Variants in LRP2BP observed in about 807,000 individuals in gnomAD.
The protein encoded by LRP2BP is LRP2 binding protein.
LRP2BP carries 38 observed loss-of-function variants against 45.2 expected under a neutral mutation model. That is an observed-to-expected ratio of 0.84 (90% confidence interval 0.65 to 1.10). The LOEUF (loss-of-function observed/expected upper bound fraction) is 1.10, where lower values mean the gene tolerates loss of function less well. Ranked by LOEUF, LRP2BP falls within the 50% of genes least tolerant of loss-of-function variation. The pLI, the probability that LRP2BP is intolerant of heterozygous loss-of-function variation, is 0.00. For synonymous variants in LRP2BP, 153 were observed against 153.9 expected (o/e 0.99, Z 0.04); for missense variants, 385 against 418.9 (o/e 0.92, Z 0.71).
intron 1 of LRP2BP, among the ~76,000 whole-genome samples, chr4:185,384,566 G>A (rs1352604089): frequency 6.6e-6 from 1 of 151,014 alleles, no homozygotes; most frequent in Non-Finnish European, 1.5e-5. Flanking sequence ...ATGAAATAAT[G>A]AATAGCTGTA....
chr4:185,371,404 T>A (rs184089869), intron 7 of LRP2BP, among the ~76,000 whole-genome samples: 1 of 152,092 alleles, frequency 6.6e-6, no homozygotes, highest in Non-Finnish European at 1.5e-5. Context: ...TAGCTGGGCA[T>A]GGTAGCGGGT....
In LRP2BP at chr4:185,364,141, A is replaced by G. The variant is rs1561062333; in HGVS notation, c.*3039T>C. The stretch of plus-strand genomic sequence containing the variant: ...GAAACAAAATAAATCTGTAAAATAT[A>G]TGATTTTTAGTGAGCAGAAAGAGCC... On this transcript the variant is annotated 3_prime_UTR_variant, in exon 9 of 9. Transcript: ENST00000505916. The G allele has an allele frequency of 6.6e-6, 1 of 152,280 alleles. No homozygotes were observed. The highest frequency in any genetic ancestry group is 2.4e-5 in the African/African-American group (1 of 41,454). 9.4% of individuals were successfully genotyped at this position (152,280 alleles called of 1,614,324 possible).
At chr4:185,377,144 A>G (rs775848760) in intron 2 of LRP2BP, 126 bp from the exon 3 acceptor site, 1 of 712,792 alleles carries the variant, frequency 1.4e-6, no homozygotes, top group East Asian at 2.7e-5. Context: ...CATTCCTACA[A>G]CTGGCCTCCT....
Position 185,378,280 on chromosome 4 carries a change from C to T in LRP2BP, c.-21-73G>A. 10 of 1,546,304 alleles carry T rather than the reference C, an allele frequency of 6.5e-6. No homozygotes were observed. In the Admixed American group the frequency reaches 2.1e-4, roughly 33 times the overall value. Reference sequence around the variant, plus strand: ...GAAGTGCAAAGAGAGACTCTATTCCCACCAGGTGCTCATTAGGAAAAGCAT... The same window carrying T: ...GAAGTGCAAAGAGAGACTCTATTCCTACCAGGTGCTCATTAGGAAAAGCAT... On this transcript the variant is annotated intron_variant, in intron 1 of 8. Coordinates refer to ENST00000505916, the MANE Select transcript of LRP2BP (RefSeq NM_001377440.1).
chr4:185,379,728 G>A (rs72712015), intron 1 of LRP2BP, among the ~76,000 whole-genome samples: 5,527 of 152,308 alleles, frequency 0.036, 127 homozygotes, highest in Middle Eastern at 0.054. Context: ...GGGACAGTGG[G>A]GAAGTTAAGT....
chr4:185,389,831 C>G (rs1479865590), intron 1 of LRP2BP, among the ~76,000 whole-genome samples: 5 of 152,024 alleles, frequency 3.3e-5, no homozygotes, highest in African/African-American at 1.2e-4. Flanking sequence ...GGCAGGTGGT[C>G]AAACAAGAAT....
chr4:185,391,886 A>C (rs1163934770), intron 1 of LRP2BP, among the ~76,000 whole-genome samples: 2 of 152,224 alleles, frequency 1.3e-5, no homozygotes, highest in African/African-American at 2.4e-5. Context: ...GAGCTAGGAC[A>C]TATGTATATG....
chr4:185,374,128 A>C lies in LRP2BP; in HGVS notation c.579+7T>G. ...TAACACTAGCATTAAAAAAGAGGGAACGTTACCTTTTCTAACTCCTTGGGC... is the reference window on the plus strand; with the variant it reads ...TAACACTAGCATTAAAAAAGAGGGACCGTTACCTTTTCTAACTCCTTGGGC... On this transcript the variant is annotated splice_region_variant and intron_variant, in intron 6 of 8. Coordinates refer to ENST00000505916, the MANE Select transcript of LRP2BP (RefSeq NM_001377440.1). The C allele has an allele frequency of 6.2e-7, 1 of 1,606,670 alleles. No individual in the cohort carries two copies. Among genetic ancestry groups the C allele is most frequent in the Non-Finnish European group, 8.5e-7 (1 of 1,173,562 alleles).
At chr4:185,394,264 T>TAAAAAAAAAAAAAAAAAAAAAAAAAAAA (rs56883920) in intron 1 of LRP2BP, among the ~76,000 whole-genome samples, 1 of 121,430 alleles carries the variant, frequency 8.2e-6, no homozygotes, top group Non-Finnish European at 1.7e-5. Flanking sequence ...GTTTCAGAGT[T>TAAAAAAAAAAAAAAAAAAAAAAAAAAAA]AAAAAAAAAA....
intron 1 of LRP2BP, among the ~76,000 whole-genome samples, chr4:185,393,271 A>C (rs1279475763): frequency 6.6e-6 from 1 of 152,168 alleles, no homozygotes; most frequent in Non-Finnish European, 1.5e-5. Flanking sequence ...TTTAGAGCTG[A>C]AGTTTTCTAT....
At chr4:185,388,060 T>C (rs2095476907) in intron 1 of LRP2BP, among the ~76,000 whole-genome samples, 1 of 152,146 alleles carries the variant, frequency 6.6e-6, no homozygotes, top group African/African-American at 2.4e-5. Context: ...GACTGCCCCT[T>C]AAGTTCACTG....
intron 6 of LRP2BP, among the ~76,000 whole-genome samples, chr4:185,373,895 T>C (rs1164997430): frequency 6.6e-6 from 1 of 152,214 alleles, no homozygotes; most frequent in African/African-American, 2.4e-5. Context: ...TTCTCTTCTT[T>C]TAGCTTTGAT....
chr4:185,394,685 C>T (rs1203758431), intron 1 of LRP2BP, 94 bp downstream of exon 1: 3 of 886,440 alleles, frequency 3.4e-6, no homozygotes, highest in South Asian at 1.0e-4. Flanking sequence ...ATATTTTACA[C>T]TTCTTAGAAA....
intron 1 of LRP2BP, among the ~76,000 whole-genome samples, chr4:185,383,859 G>A (rs919945886): frequency 2.6e-5 from 4 of 152,238 alleles, no homozygotes; most frequent in African/African-American, 9.6e-5. Context: ...CACTACTGGA[G>A]ACAGGCAGGT....
chr4:185,368,173 G>A (rs574046428), intron 8 of LRP2BP, among the ~76,000 whole-genome samples: 19 of 152,114 alleles, frequency 1.2e-4, no homozygotes, highest in East Asian at 5.8e-4. Flanking sequence ...GCCAGACTCC[G>A]TCTCAAAAAA....
chr4:185,374,535 G>T, intron 4 of LRP2BP, 74 bp from the exon 5 acceptor site: 1 of 1,504,596 alleles, frequency 6.6e-7, no homozygotes. Context: ...TCCCAATAAG[G>T]CTGTGAAGTG....
chr4:185,371,332 G>A (rs935198125), intron 7 of LRP2BP, among the ~76,000 whole-genome samples: 21 of 152,054 alleles, frequency 1.4e-4, no homozygotes, highest in Admixed American at 6.6e-4. Flanking sequence ...GAGGTTAGGA[G>A]ATTGAGACCA....
upstream of LRP2BP, chr4:185,397,168 T>C (rs1459772497): frequency 6.2e-7 from 1 of 1,613,502 alleles, no homozygotes; most frequent in Non-Finnish European, 8.5e-7. Context: ...TCTGAAGCAT[T>C]TGCTGGAGAC....
At chr4:185,377,536 AACAAAC>A (rs2095442301) in intron 2 of LRP2BP, 1 of 166,526 alleles carries the variant, frequency 6.0e-6, no homozygotes, top group African/African-American at 2.4e-5. Context: ...CAACAACAAC[AACAAAC>A]AATACTTGTT....
Sources: gnomAD v4.1 joint callset for allele counts (sites outside exome capture counted in the v4.1 genomes callset) on GRCh38, gnomAD v4.1.1 for gene constraint, MANE v1.5 for transcripts, NCBI Gene and HGNC (gene_info 2026-07-23, HGNC 2026-07-21) for gene names.